XPA: variants seen among roughly 807,000 people sequenced by gnomAD.
The protein encoded by XPA is DNA repair protein complementing XP-A cells.
A neutral mutation model predicts 35.7 loss-of-function variants in XPA; 27 were observed. The ratio of observed to expected loss-of-function variants is 0.76; its 90% CI spans 0.56 to 1.04. XPA has a LOEUF of 1.04. Among genes scored for constraint, XPA ranks in the 50% least tolerant of loss-of-function variants. XPA has a pLI of 0.00. For missense variants in XPA, 354 were observed against 342.7 expected (o/e 1.03, Z -0.26); for synonymous variants, 133 against 118.4 (o/e 1.12, Z -0.80).
chr9:97,656,606 A>T, the XPA span, among the ~76,000 whole-genome samples: 30 of 152,320 alleles, frequency 2.0e-4, no homozygotes, highest in African/African-American at 7.2e-4. Context: ...ATTTATAGAA[A>T]AGTTGGCACA....
At chr9:97,690,302 T>C (rs1466779456) in intron 2 of XPA, among the ~76,000 whole-genome samples, 1 of 152,094 alleles carries the variant, frequency 6.6e-6, no homozygotes, top group African/African-American at 2.4e-5. Flanking sequence ...CCTCCACCTC[T>C]CGGGTTCAAG....
the XPA span, chr9:97,669,486 AAGAC>A: frequency 1.4e-6 from 1 of 712,690 alleles, no homozygotes; most frequent in Non-Finnish European, 2.4e-6. Context: ...ACACACCACA[AAGAC>A]AGGGTGGAAC....
the XPA span, among the ~76,000 whole-genome samples, chr9:97,665,338 T>A: frequency 2.0e-5 from 3 of 152,240 alleles, no homozygotes; most frequent in Non-Finnish European, 4.4e-5. Context: ...ACGTTTTCAA[T>A]TCATTTTATC....
At chr9:97,655,573 G>A in the XPA span, 2 of 633,262 alleles carry the variant, frequency 3.2e-6, no homozygotes, top group Non-Finnish European at 5.4e-6. Context: ...ACAACTGCAT[G>A]TAGGGGAATA....
the XPA span, among the ~76,000 whole-genome samples, chr9:97,667,298 C>T: frequency 1.3e-5 from 2 of 152,074 alleles, no homozygotes; most frequent in African/African-American, 4.8e-5. Flanking sequence ...GAATACTTCT[C>T]ATAGTATTAA....
Position 97,675,600 on chromosome 9 carries a change from T to A in XPA, c.674-13A>T, listed in dbSNP as rs757737321. On this transcript the variant is annotated splice_polypyrimidine_tract_variant and intron_variant, in intron 5 of 5. Transcript: ENST00000375128. ...GCTCGCCGCAATTCTGAAAAAAAAA[T>A]TTTAAAGTCATCTTTTCAGTGGTGC... The A allele has an allele frequency of 1.4e-5, 22 of 1,613,398 alleles. No individual in the cohort carries two copies. The highest frequency in any genetic ancestry group is 1.6e-4 in the Middle Eastern group (1 of 6,082).
At chr9:97,673,244 A>G (rs182766692), downstream of XPA, 5 of 152,310 alleles carry the variant, frequency 3.3e-5, no homozygotes, top group East Asian at 1.9e-4. Context: ...CAAAAGTTAC[A>G]TGCAAATTTT....
chr9:97,671,457 A>T (rs1828191420), downstream of XPA: 1 of 363,330 alleles, frequency 2.8e-6, no homozygotes, highest in South Asian at 3.7e-5. Flanking sequence ...TCAGTTTGTT[A>T]TTTTTTTTCT....
chr9:97,690,975 A>G (rs1564048689), intron 2 of XPA, among the ~76,000 whole-genome samples: 1 of 152,262 alleles, frequency 6.6e-6, no homozygotes, highest in Non-Finnish European at 1.5e-5. Flanking sequence ...TTCCAGGGTG[A>G]TTAAGGCATG....
chr9:97,685,564 T>C (rs1015469236), intron 4 of XPA, among the ~76,000 whole-genome samples: 1 of 152,184 alleles, frequency 6.6e-6, no homozygotes, highest in African/African-American at 2.4e-5. Flanking sequence ...CATTCTACTT[T>C]TAAAACTTTA....
the XPA span, among the ~76,000 whole-genome samples, chr9:97,659,340 C>T: frequency 1.0e-3 from 154 of 152,296 alleles, no homozygotes; most frequent in Middle Eastern, 3.4e-3. Flanking sequence ...AACACAGCCC[C>T]TCCATGATCC....
At chr9:97,689,400 T>C (rs150927799) in intron 3 of XPA, 134 bp downstream of exon 3, 29 of 684,594 alleles carry the variant, frequency 4.2e-5, no homozygotes, top group African/African-American at 1.4e-4. Context: ...ATAGAAACCA[T>C]AGAAATTTTA....
chr9:97,664,185 A>G, the XPA span, among the ~76,000 whole-genome samples: 1 of 152,160 alleles, frequency 6.6e-6, no homozygotes, highest in African/African-American at 2.4e-5. Context: ...TCCCAAAAAA[A>G]AGACCTAATG....
chr9:97,654,922 A>G, the XPA span: 1 of 1,611,328 alleles, frequency 6.2e-7, no homozygotes, highest in Non-Finnish European at 8.5e-7. Flanking sequence ...TTTGGACACA[A>G]TGAACACTAC....
Position 97,687,269 on chromosome 9 carries a change from C to T in XPA, c.390-8G>A, listed in dbSNP as rs1282063643. 2.5e-6 allele frequency: 4 copies of T among 1,598,354 alleles called. No homozygotes were observed. The highest frequency in any genetic ancestry group is 2.7e-5 in the African/African-American group (2 of 74,166). On this transcript the variant is annotated splice_polypyrimidine_tract_variant and splice_region_variant and intron_variant, in intron 3 of 5. Transcript: ENST00000375128. ...TGTTTATCATCAGCATCTCTGAAAA[C>T]AGATTAAGTCCATTATATAAATTAG...
In XPA at chr9:97,689,545, A is replaced by C. The variant is rs1451780491; in HGVS notation, c.378T>G (p.Cys126Trp). Residue 126 changes from cysteine to tryptophan, a missense_variant, in exon 3 of 6, where the codon TGT (cysteine) becomes TGG (tryptophan). Transcript: ENST00000375128. ...TCTAAAATAAGTACCTGCAGTTATCACAAGTTGGCAAATCAAAGTGGTTCA... is the reference window on the plus strand; with the variant it reads ...TCTAAAATAAGTACCTGCAGTTATCCCAAGTTGGCAAATCAAAGTGGTTCA... ...YLMNHFDLPT[C>W]DNCRDADDKH... 4 of 1,609,724 alleles carry C rather than the reference A, an allele frequency of 2.5e-6. No individual in the cohort carries two copies. The highest frequency in any genetic ancestry group is 3.4e-6 in the Non-Finnish European group (4 of 1,176,220).
chr9:97,675,251 C>T lies in XPA; in HGVS notation c.*188G>A. On this transcript the variant is annotated 3_prime_UTR_variant, in exon 6 of 6. Transcript: ENST00000375128. ...ACATGACATTGTGCACACAACCAGG[C>T]CAGGTGACCTTCACTGAAACTTGCT... is the stretch of plus-strand genomic sequence containing the variant. The T allele has an allele frequency of 2.8e-6, 2 of 713,104 alleles. No individual in the cohort carries two copies. The highest frequency in any genetic ancestry group is 3.8e-4 in the Middle Eastern group (1 of 2,604). The allele number at this position is 713,104 out of a possible 1,614,324, so 44.2% of individuals were successfully genotyped here. A position where few individuals can be genotyped will look rare whatever the true frequency, so the allele number is the denominator to read the frequency against.
chr9:97,689,409 T>A (rs1701944692), intron 3 of XPA, 125 bp downstream of exon 3: 1 of 710,600 alleles, frequency 1.4e-6, no homozygotes, highest in Admixed American at 2.4e-5. Context: ...ATAGAAATTT[T>A]AGGAAACACC....
In XPA at chr9:97,693,726, A is replaced by G. The variant is rs755315448; in HGVS notation, c.206T>C (p.Ile69Thr). The G allele has an allele frequency of 2.7e-5, 43 of 1,613,210 alleles. No homozygotes were observed. The highest frequency in any genetic ancestry group is 2.3e-4 in the South Asian group (21 of 91,074). The change falls in exon 2 of 6, where the codon ATT becomes ACT. Residue 69 changes from isoleucine (I) to threonine (T), a missense_variant. Transcript: ENST00000375128. ...TAAAATGAAGCCTCCTCCTGTGTCA[A>G]TTATCTTTGGGGCTGCTTTTACATT... is the stretch of plus-strand genomic sequence containing the variant. ...MANVKAAPKI[I>T]DTGGGFILEE... is the part of the protein sequence containing the mutation.
Sources: allele counts gnomAD v4.1 joint callset (sites outside exome capture counted in the v4.1 genomes callset), GRCh38; gene constraint gnomAD v4.1.1; transcripts MANE v1.5; gene names NCBI Gene and HGNC (gene_info 2026-07-23, HGNC 2026-07-21).